Variants in ATRNL1 observed in about 807,000 individuals in gnomAD.
ATRNL1 encodes the protein attractin like 1.
A neutral mutation model predicts 182.7 loss-of-function variants in ATRNL1; 95 were observed. That is an observed-to-expected ratio of 0.52 (90% CI 0.44 to 0.62). The LOEUF (loss-of-function observed/expected upper bound fraction) is 0.62, where lower values mean the gene tolerates loss of function less well. Ranked by LOEUF, ATRNL1 falls within the 20% of genes least tolerant of loss-of-function variation. The probability of loss-of-function intolerance (pLI) is 0.00; values close to 1 mark genes in which losing one functional copy is unlikely to be tolerated. For missense variants in ATRNL1, 1,471 were observed against 1,679.5 expected, an observed-to-expected ratio of 0.88 and a Z score of 2.17; for synonymous variants, 576 against 568.3, an observed-to-expected ratio of 1.01 and a Z score of -0.19.
intron 19 of ATRNL1, among the ~76,000 whole-genome samples, chr10:115,378,123 G>A (rs527896666): frequency 6.6e-6 from 1 of 152,204 alleles, no homozygotes; most frequent in African/African-American, 2.4e-5. Flanking sequence ...TGAGGCCAAG[G>A]TCTTCATATC....
chr10:115,848,944 AT>A (rs1424560428), intron 28 of ATRNL1, among the ~76,000 whole-genome samples: 7 of 152,116 alleles, frequency 4.6e-5, no homozygotes, highest in African/African-American at 1.7e-4. Context: ...CTCCTTGCTT[AT>A]TTTATCTTTT....
chr10:115,584,391 G>T (rs1855359665), intron 26 of ATRNL1, among the ~76,000 whole-genome samples: 1 of 135,468 alleles, frequency 7.4e-6, no homozygotes, highest in Admixed American at 7.9e-5. Context: ...GACTCTTTTT[G>T]GTTGGTAAGC....
intron 13 of ATRNL1, 77 bp downstream of exon 13, chr10:115,268,521 C>A: frequency 9.7e-7 from 1 of 1,032,074 alleles, no homozygotes; most frequent in South Asian, 1.3e-5. Context: ...CATTTAGTAG[C>A]ACTGTAGAAA....
At chr10:115,624,603 G>A (rs926647145) in intron 26 of ATRNL1, among the ~76,000 whole-genome samples, 3 of 152,096 alleles carry the variant, frequency 2.0e-5, no homozygotes, top group African/African-American at 4.8e-5. Context: ...CCAACTCTGC[G>A]TTCAGTGTCA....
At chr10:115,851,336 C>T (rs1352465339) in intron 28 of ATRNL1, among the ~76,000 whole-genome samples, 2 of 149,932 alleles carry the variant, frequency 1.3e-5, no homozygotes, top group African/African-American at 4.9e-5. Flanking sequence ...GTTTGGCCAT[C>T]TCTTTTCAGG....
intron 27 of ATRNL1, among the ~76,000 whole-genome samples, chr10:115,816,475 T>A (rs1215330891): frequency 1.3e-5 from 2 of 152,174 alleles, no homozygotes; most frequent in East Asian, 3.8e-4. Flanking sequence ...TCGTTAGTAA[T>A]GTATATATAG....
chr10:115,364,736 T>C (rs544010976), intron 19 of ATRNL1, among the ~76,000 whole-genome samples: 2,834 of 152,020 alleles, frequency 0.019, 142 homozygotes, highest in African/African-American at 0.066. Context: ...TGAAGGGTTG[T>C]TGAATTTTGT....
intron 5 of ATRNL1, among the ~76,000 whole-genome samples, chr10:115,150,024 T>A (rs1480328773): frequency 6.6e-6 from 1 of 152,076 alleles, no homozygotes; most frequent in Non-Finnish European, 1.5e-5. Context: ...TTTCAGTTTT[T>A]AATGGTCTGT....
At chr10:115,279,526 G>C (rs960788590) in intron 13 of ATRNL1, among the ~76,000 whole-genome samples, 1 of 152,154 alleles carries the variant, frequency 6.6e-6, no homozygotes, top group Non-Finnish European at 1.5e-5. Flanking sequence ...ATAGGCCAAA[G>C]CAACCATGTT....
At chr10:115,446,302 G>T (rs995348214) in intron 21 of ATRNL1, among the ~76,000 whole-genome samples, 1 of 151,770 alleles carries the variant, frequency 6.6e-6, no homozygotes, top group Non-Finnish European at 1.5e-5. Flanking sequence ...GTCTTATGTT[G>T]TATTAATTAT....
At chr10:115,690,160 C>A (rs1428624656) in intron 26 of ATRNL1, among the ~76,000 whole-genome samples, 1 of 152,098 alleles carries the variant, frequency 6.6e-6, no homozygotes, top group Non-Finnish European at 1.5e-5. Flanking sequence ...CTTTGTCCCA[C>A]GGATGGTGCG....
intron 24 of ATRNL1, among the ~76,000 whole-genome samples, chr10:115,518,908 T>A (rs1850773173): frequency 6.6e-6 from 1 of 151,906 alleles, no homozygotes; most frequent in Non-Finnish European, 1.5e-5. Context: ...CCAGATGAAG[T>A]TATATAGGGA....
intron 27 of ATRNL1, among the ~76,000 whole-genome samples, chr10:115,796,635 T>G (rs1949661054): frequency 6.6e-6 from 1 of 152,298 alleles, no homozygotes; most frequent in Non-Finnish European, 1.5e-5. Flanking sequence ...AGCTGAGAAC[T>G]TAAGCAATTC....
At chr10:115,499,296 A>C (rs191448654) in intron 24 of ATRNL1, among the ~76,000 whole-genome samples, 206 of 152,324 alleles carry the variant, frequency 1.4e-3, no homozygotes, top group African/African-American at 4.6e-3. Context: ...TAGATATAAA[A>C]TTCTACATAT....
intron 27 of ATRNL1, among the ~76,000 whole-genome samples, chr10:115,833,474 G>A (rs1300353343): frequency 6.6e-6 from 1 of 152,156 alleles, no homozygotes; most frequent in East Asian, 1.9e-4. Flanking sequence ...TAAATCAGAA[G>A]ATACAGGCTA....
chr10:115,133,049 G>T (rs987164171), intron 5 of ATRNL1, among the ~76,000 whole-genome samples: 1 of 152,096 alleles, frequency 6.6e-6, no homozygotes, highest in African/African-American at 2.4e-5. Context: ...TTCTTCTAGG[G>T]TTTTTATGGT....
chr10:115,313,357 A>G (rs1459116790), intron 17 of ATRNL1, among the ~76,000 whole-genome samples: 4 of 151,274 alleles, frequency 2.6e-5, no homozygotes, highest in Non-Finnish European at 4.4e-5. Flanking sequence ...GTTTATTTTA[A>G]TCTAATTTGG....
At chr10:115,903,083 G>A (rs143700350) in intron 28 of ATRNL1, among the ~76,000 whole-genome samples, 2,050 of 152,176 alleles carry the variant, frequency 0.013, 24 homozygotes, top group Non-Finnish European at 0.021. Context: ...AATTTTAAAT[G>A]TACATAATCT....
intron 5 of ATRNL1, among the ~76,000 whole-genome samples, chr10:115,150,705 G>C (rs2143899538): frequency 1.3e-5 from 2 of 151,918 alleles, no homozygotes; most frequent in South Asian, 4.2e-4. Context: ...GCATGATTTT[G>C]ATTTTTAAAT....
Sources: allele counts gnomAD v4.1 joint callset (sites outside exome capture counted in the v4.1 genomes callset), GRCh38; gene constraint gnomAD v4.1.1; transcripts MANE v1.5; gene names NCBI Gene and HGNC (gene_info 2026-07-23, HGNC 2026-07-21).